Variants in TRIM67 observed in about 807,000 individuals in gnomAD.
TRIM67 encodes the protein tripartite motif containing 67.
In TRIM67, 39 loss-of-function variants were observed where a neutral mutation model predicts 71.0. The observed-to-expected ratio is 0.55, with a 90% CI of 0.43 to 0.72. TRIM67 has a LOEUF of 0.72. TRIM67 is among the 30% of genes least tolerant of loss of function. The probability of loss-of-function intolerance (pLI) is 0.00; values close to 1 mark genes in which losing one functional copy is unlikely to be tolerated. For synonymous variants in TRIM67, 481 were observed against 473.9 expected (o/e 1.01, Z -0.19); for missense variants, 973 against 1,079.2 (o/e 0.90, Z 1.38).
intron 1 of TRIM67, chr1:231,183,974 A>G (rs1682980919): frequency 6.6e-6 from 1 of 152,188 alleles, no homozygotes. Flanking sequence ...GGATCTGCTC[A>G]AGGAACTATG....
In TRIM67 at chr1:231,174,684, C is replaced by T. The variant is rs576867502; in HGVS notation, c.1044+10671C>T. ...AGTCTGTCCCGTCTAATGCTATGGG[C>T]CTGTGTCTCTTTTCTCTATCTTACC... On this transcript the variant is annotated intron_variant, in intron 1 of 9. Coordinates refer to ENST00000366653, the MANE Select transcript of TRIM67 (RefSeq NM_001004342.5). Among the ~76,000 whole-genome samples the T allele has an allele frequency of 4.6e-5, 7 of 152,184 alleles. No individual in the cohort carries two copies. In the South Asian group the frequency reaches 1.5e-3, roughly 32 times the overall value.
intron 4 of TRIM67, among the ~76,000 whole-genome samples, chr1:231,201,063 G>A (rs1165138206): frequency 6.6e-6 from 1 of 152,194 alleles, no homozygotes; most frequent in Non-Finnish European, 1.5e-5. Flanking sequence ...ATGCATTTGT[G>A]TATTTAAAAA....
Position 231,219,164 on chromosome 1 carries a change from C to T in TRIM67, c.*3724C>T, listed in dbSNP as rs181133643. On this transcript the variant is annotated 3_prime_UTR_variant, in exon 10 of 10. Coordinates refer to ENST00000366653, the MANE Select transcript of TRIM67 (RefSeq NM_001004342.5). ...TGCTAAAGAACACTGCTGCACAGCC[C>T]GTGGGGTGGCGCCAGGGTTTCTCAA... 6 of 985,458 alleles carry T rather than the reference C, an allele frequency of 6.1e-6. No homozygotes were observed. The East Asian group carries it at 4.5e-4, about 75-fold the overall frequency. The allele number at this position is 985,458 out of a possible 1,614,324, so 61.0% of individuals were successfully genotyped here. A position where few individuals can be genotyped will look rare whatever the true frequency, so the allele number is the denominator to read the frequency against.
chr1:231,179,085 G>T (rs527533817), intron 1 of TRIM67, among the ~76,000 whole-genome samples: 1 of 152,184 alleles, frequency 6.6e-6, no homozygotes, highest in East Asian at 1.9e-4. Context: ...CCACAAGCTG[G>T]GTAGCTTAAA....
intron 1 of TRIM67, among the ~76,000 whole-genome samples, chr1:231,175,436 A>G (rs1682720898): frequency 6.6e-6 from 1 of 152,258 alleles, no homozygotes. Context: ...GGGTGCAGTC[A>G]GAAGACATTA....
intron 1 of TRIM67, chr1:231,185,183 T>C (rs1206357996): frequency 1.3e-6 from 2 of 1,532,932 alleles, no homozygotes; most frequent in African/African-American, 1.4e-5. Context: ...ACGGCGTCCA[T>C]TCCTGCACCT....
chr1:231,182,807 G>A (rs1242603818), intron 1 of TRIM67, among the ~76,000 whole-genome samples: 1 of 152,198 alleles, frequency 6.6e-6, no homozygotes, highest in Non-Finnish European at 1.5e-5. Context: ...GCTTTTGAAG[G>A]TCATTTGGCC....
In TRIM67 at chr1:231,218,535, G is replaced by A; in HGVS notation, c.*3095G>A. The A allele has an allele frequency of 1.0e-6, 1 of 985,384 alleles. No homozygotes were observed. The highest frequency in any genetic ancestry group is 1.2e-6 in the Non-Finnish European group (1 of 829,938). 61.0% of individuals were successfully genotyped at this position (985,384 alleles called of 1,614,324 possible). A position where few individuals can be genotyped will look rare whatever the true frequency, so the allele number is the denominator to read the frequency against. ...CCACTAGCACCTCACTGCATACATAGCATCCCAGCTCCTAATTCAAAGCAG... is the reference window on the plus strand; with the variant it reads ...CCACTAGCACCTCACTGCATACATAACATCCCAGCTCCTAATTCAAAGCAG... On this transcript the variant is annotated 3_prime_UTR_variant, in exon 10 of 10. Coordinates refer to ENST00000366653, the MANE Select transcript of TRIM67 (RefSeq NM_001004342.5).
At chr1:231,203,074 G>A (rs565883685) in intron 5 of TRIM67, among the ~76,000 whole-genome samples, 50 of 152,274 alleles carry the variant, frequency 3.3e-4, no homozygotes, top group African/African-American at 1.2e-3. Context: ...TGCTCAGCCA[G>A]TCCCGTGCCC....
At chr1:231,202,731 G>T (rs1006271455) in intron 5 of TRIM67, among the ~76,000 whole-genome samples, 6 of 152,212 alleles carry the variant, frequency 3.9e-5, no homozygotes, top group Admixed American at 6.5e-5. Context: ...CTCCCACACA[G>T]CTTGCACCTC....
chr1:231,180,981 G>A (rs1345032481), intron 1 of TRIM67, among the ~76,000 whole-genome samples: 2 of 148,746 alleles, frequency 1.3e-5, no homozygotes, highest in Non-Finnish European at 1.5e-5. Flanking sequence ...TTGTTTGTTT[G>A]TTTGTGATGG....
chr1:231,167,095 G>A (rs1682488906), intron 1 of TRIM67, among the ~76,000 whole-genome samples: 1 of 152,086 alleles, frequency 6.6e-6, no homozygotes, highest in African/African-American at 2.4e-5. Flanking sequence ...AACTGGGTAG[G>A]AGTTGATTCC....
intron 1 of TRIM67, among the ~76,000 whole-genome samples, chr1:231,167,129 C>A (rs555187512): frequency 1.3e-4 from 20 of 151,960 alleles, no homozygotes; most frequent in Middle Eastern, 3.4e-3. Flanking sequence ...GAGAATAATT[C>A]TTTTTTCTTT....
chr1:231,191,812 C>G (rs1298775921), intron 1 of TRIM67, among the ~76,000 whole-genome samples: 1 of 152,178 alleles, frequency 6.6e-6, no homozygotes, highest in East Asian at 1.9e-4. Context: ...AGGATTGAGA[C>G]TTGAATATCT....
intron 5 of TRIM67, among the ~76,000 whole-genome samples, chr1:231,202,239 GGGGGGT>G (rs1683570313): frequency 7.9e-4 from 6 of 7,586 alleles, no homozygotes; most frequent in Non-Finnish European, 1.3e-3. Flanking sequence ...AGGAGAGGAG[GGGGGGT>G]AGTGGAGAAG....
Position 231,216,193 on chromosome 1 carries a change from G to C in TRIM67, c.*753G>C, listed in dbSNP as rs549550199. 1.1e-6 allele frequency: 1 copy of C among 932,902 alleles called. No homozygotes were observed. Among genetic ancestry groups the C allele is most frequent in the East Asian group, 1.2e-4 (1 of 8,370 alleles). 57.8% of individuals were successfully genotyped at this position (932,902 alleles called of 1,614,324 possible). Reference sequence around the variant, plus strand: ...CTCTCTCTCCTTCCTTCCCTCCTTTGCTCTCTCTTTCTTCCTTTCCTCCTT... The same window carrying C: ...CTCTCTCTCCTTCCTTCCCTCCTTTCCTCTCTCTTTCTTCCTTTCCTCCTT... On this transcript the variant is annotated 3_prime_UTR_variant, in exon 10 of 10. Transcript: ENST00000366653.
rs1182393440 is a variant in TRIM67 at position 231,218,326 on chromosome 1, C to G, written c.*2886C>G. On this transcript the variant is annotated 3_prime_UTR_variant, in exon 10 of 10. Transcript: ENST00000366653. Reference sequence around the variant, plus strand: ...TTTTGTTGGGCTGGCTGAGGAGTAACTTGGTGTAAATCTATCAAGCAGTTT... The same window carrying G: ...TTTTGTTGGGCTGGCTGAGGAGTAAGTTGGTGTAAATCTATCAAGCAGTTT... 2 of 986,560 alleles carry G rather than the reference C, an allele frequency of 2.0e-6. No individual in the cohort carries two copies. Among genetic ancestry groups the G allele is most frequent in the African/African-American group, 1.7e-5 (1 of 57,234 alleles). 61.1% of individuals were successfully genotyped at this position (986,560 alleles called of 1,614,324 possible).
At chr1:231,185,976 G>A in intron 1 of TRIM67, 8 of 927,250 alleles carry the variant, frequency 8.6e-6, no homozygotes, top group Non-Finnish European at 1.3e-5. Context: ...CTCATAACTA[G>A]AGGAGACGAG....
rs377446559 is a variant in TRIM67 at position 231,219,004 on chromosome 1, C to A, written c.*3564C>A. Reference sequence around the variant, plus strand: ...TCTCATTGCAAGCGAAAGGCTTGGTCCCCCTGGGAAGGCGGGTTTCGGCAC... The same window carrying A: ...TCTCATTGCAAGCGAAAGGCTTGGTACCCCTGGGAAGGCGGGTTTCGGCAC... On this transcript the variant is annotated 3_prime_UTR_variant, in exon 10 of 10. Transcript: ENST00000366653. 1.2e-4 allele frequency: 120 copies of A among 985,450 alleles called. No individual in the cohort carries two copies. The African/African-American group carries it at 2.0e-3, about 16-fold the overall frequency. The allele number at this position is 985,450 out of a possible 1,614,324, so 61.0% of individuals were successfully genotyped here.
Sources: allele counts gnomAD v4.1 joint callset (sites outside exome capture counted in the v4.1 genomes callset), GRCh38; gene constraint gnomAD v4.1.1; transcripts MANE v1.5; gene names NCBI Gene and HGNC (gene_info 2026-07-23, HGNC 2026-07-21).